Variants in IQSEC1 observed in about 807,000 individuals in gnomAD.
IQSEC1 encodes IQ motif and SEC7 domain-containing protein 1.
A neutral mutation model predicts 91.0 loss-of-function variants in IQSEC1; 31 were observed. That is an observed-to-expected ratio of 0.34 (90% CI 0.26 to 0.46). IQSEC1 has a LOEUF of 0.46. IQSEC1 is among the 20% of genes least tolerant of loss of function. The pLI, the probability that IQSEC1 is intolerant of heterozygous loss-of-function variation, is 1.00. For synonymous variants in IQSEC1, 699 were observed against 662.6 expected (o/e 1.05, Z -0.84); for missense variants, 1,388 against 1,575.6 (o/e 0.88, Z 2.02).
intron 1 of IQSEC1, among the ~76,000 whole-genome samples, chr3:13,237,249 A>G (rs1694946920): frequency 6.6e-6 from 1 of 152,208 alleles, no homozygotes; most frequent in South Asian, 2.1e-4. Flanking sequence ...ATGACGCCTG[A>G]GCAAGAGTCC....
At chr3:12,982,232 A>C (rs1701499355) in intron 1 of IQSEC1, among the ~76,000 whole-genome samples, 1 of 152,244 alleles carries the variant, frequency 6.6e-6, no homozygotes, top group Admixed American at 6.5e-5. Flanking sequence ...GCTTAAAAAA[A>C]GTATAGGCCA....
intron 1 of IQSEC1, among the ~76,000 whole-genome samples, chr3:13,226,005 C>T (rs1395359466): frequency 3.9e-5 from 6 of 152,054 alleles, no homozygotes; most frequent in East Asian, 1.9e-4. Flanking sequence ...CTTAGCCTCC[C>T]GAGTAGCTCG....
Position 13,103,137 on chromosome 3 carries a change from C to G in IQSEC1, c.303-55615G>C, listed in dbSNP as rs1706092445. Among the ~76,000 whole-genome samples, 1 of 152,102 alleles carries G rather than the reference C, an allele frequency of 6.6e-6. No individual in the cohort carries two copies. The highest frequency in any genetic ancestry group is 1.5e-5 in the Non-Finnish European group (1 of 68,004). On this transcript the variant is annotated intron_variant, in intron 2 of 15. Coordinates refer to the IQSEC1 transcript ENST00000648114. This position sits in a 1 kb window ranked among gnomAD's most constrained non-coding sequence, Gnocchi z 4.1. ...CCCAGGGCTCTGCCCCAGCCCCTCC[C>G]TGGCCCATGTCCCCGGCTGGCCCCA...
At chr3:13,218,320 T>A (rs1283428923) in intron 1 of IQSEC1, among the ~76,000 whole-genome samples, 2 of 152,200 alleles carry the variant, frequency 1.3e-5, no homozygotes, top group East Asian at 3.8e-4. Flanking sequence ...GTCCCCAGGG[T>A]CTGGCTCAGT....
chr3:13,188,900 T>C (rs1395802677), intron 1 of IQSEC1, among the ~76,000 whole-genome samples: 1 of 152,248 alleles, frequency 6.6e-6, no homozygotes, highest in African/African-American at 2.4e-5. Flanking sequence ...CCCAAATTCC[T>C]TCACCAGGAT....
chr3:12,967,552 C>T lies in IQSEC1; in HGVS notation c.24-25687G>A. On this transcript the variant is annotated intron_variant, in intron 1 of 13. Transcript: ENST00000613206. This position sits in a 1 kb window ranked among gnomAD's most constrained non-coding sequence, Gnocchi z 5.9. ...AGCCGCCGGATCCCGGGGCCGACAC[C>T]CGGCCACCCGGAGACCCGACCACCC... 1 of 1,361,666 alleles carries T rather than the reference C, an allele frequency of 7.3e-7. No individual in the cohort carries two copies. Among genetic ancestry groups the T allele is most frequent in the Non-Finnish European group, 9.4e-7 (1 of 1,066,288 alleles). The allele number at this position is 1,361,666 out of a possible 1,614,324, so 84.3% of individuals were successfully genotyped here.
In IQSEC1 at chr3:12,945,152, T is replaced by C. The variant is rs1448916995; in HGVS notation, c.24-3287A>G. Among the ~76,000 whole-genome samples, 3 of 151,776 alleles carry C rather than the reference T, an allele frequency of 2.0e-5. No homozygotes were observed. The East Asian group carries it at 5.8e-4, about 29-fold the overall frequency. On this transcript the variant is annotated intron_variant, in intron 1 of 13. Coordinates refer to ENST00000613206, the MANE Select transcript of IQSEC1 (RefSeq NM_001134382.3). The stretch of plus-strand genomic sequence containing the variant: ...ACTCAGAATGGGCAGGAGATGGGAG[T>C]GCCTGGCGCTGGTAGTTCAGGGTGG...
At chr3:13,187,433 G>C (rs1693954715) in intron 1 of IQSEC1, among the ~76,000 whole-genome samples, 2 of 152,206 alleles carry the variant, frequency 1.3e-5, no homozygotes, top group Non-Finnish European at 2.9e-5. Context: ...AATGTGTTTT[G>C]AATATGACTT....
intron 1 of IQSEC1, among the ~76,000 whole-genome samples, chr3:13,200,526 C>T (rs1694224992): frequency 6.6e-6 from 1 of 152,208 alleles, no homozygotes; most frequent in African/African-American, 2.4e-5. Flanking sequence ...GGGCTGGATC[C>T]CTTTCCAGAT....
intron 6 of IQSEC1, among the ~76,000 whole-genome samples, chr3:12,919,717 G>A (rs1696435237): frequency 6.6e-6 from 1 of 152,224 alleles, no homozygotes; most frequent in South Asian, 2.1e-4. Flanking sequence ...TGCAGCCAGG[G>A]TTCCCACAGG....
At chr3:12,925,362 C>T (rs1444699871) in intron 3 of IQSEC1, among the ~76,000 whole-genome samples, 1 of 152,212 alleles carries the variant, frequency 6.6e-6, no homozygotes, top group Non-Finnish European at 1.5e-5. Context: ...ACTCAATTCC[C>T]ACTCCAGGAG....
intron 2 of IQSEC1, among the ~76,000 whole-genome samples, chr3:13,121,530 CCCTGTGG>C (rs1254697421): frequency 6.6e-6 from 1 of 152,136 alleles, no homozygotes; most frequent in African/African-American, 2.4e-5. Context: ...CAGGGACCAT[CCCTGTGG>C]CCTGTGGGGG....
intron 1 of IQSEC1, among the ~76,000 whole-genome samples, chr3:12,974,287 C>T (rs1223987343): frequency 2.6e-5 from 4 of 152,204 alleles, no homozygotes; most frequent in African/African-American, 9.6e-5. Context: ...CCCGGATCCC[C>T]AGAGCACTCC....
rs1208976327 is a variant in IQSEC1 at position 12,970,458 on chromosome 3, T to C, written c.24-28593A>G. Among the ~76,000 whole-genome samples the C allele has an allele frequency of 1.3e-5, 2 of 152,218 alleles. No individual in the cohort carries two copies. Among genetic ancestry groups the C allele is most frequent in the African/African-American group, 4.8e-5 (2 of 41,448 alleles). ...CGACTTTATCTCTATCCTCCCCAGC[T>C]TCTGATAGCCTCCAGTCTTTCCACA... On this transcript the variant is annotated intron_variant, in intron 1 of 13. Coordinates refer to ENST00000613206, the MANE Select transcript of IQSEC1 (RefSeq NM_001134382.3). The surrounding 1 kb of genome is among the most constrained non-coding windows in gnomAD (Gnocchi z 4.4).
intron 1 of IQSEC1, among the ~76,000 whole-genome samples, chr3:13,190,676 T>A (rs2125032874): frequency 6.6e-6 from 1 of 152,356 alleles, no homozygotes; most frequent in African/African-American, 2.4e-5. Context: ...ATTCATGCCA[T>A]TGTTGTTTTA....
At chr3:13,014,399 A>G (rs1371559380) in intron 1 of IQSEC1, among the ~76,000 whole-genome samples, 1 of 152,194 alleles carries the variant, frequency 6.6e-6, no homozygotes, top group Non-Finnish European at 1.5e-5. Flanking sequence ...CCCATGTCAC[A>G]TGGCTGGGGC....
intron 1 of IQSEC1, among the ~76,000 whole-genome samples, chr3:12,986,310 C>G (rs781770797): frequency 3.9e-5 from 6 of 152,160 alleles, no homozygotes; most frequent in Non-Finnish European, 7.4e-5. Flanking sequence ...CCCCAGGTAA[C>G]AGCAGCCCTG....
At chr3:13,186,852 A>AGCCCAGAG (rs1255405664) in intron 1 of IQSEC1, among the ~76,000 whole-genome samples, 1 of 152,132 alleles carries the variant, frequency 6.6e-6, no homozygotes, top group Non-Finnish European at 1.5e-5. Context: ...CCTGCCCAGA[A>AGCCCAGAG]ACCCCAGAGG....
chr3:13,101,272 A>G (rs1184658759), intron 2 of IQSEC1, among the ~76,000 whole-genome samples: 2 of 151,876 alleles, frequency 1.3e-5, no homozygotes, highest in Admixed American at 6.6e-5. Flanking sequence ...ATGAGGTCAG[A>G]AGATTGAGAC....
Sources: gnomAD v4.1 joint callset for allele counts (sites outside exome capture counted in the v4.1 genomes callset) on GRCh38, gnomAD v4.1.1 for gene constraint, Gnocchi (gnomAD v3.1) non-coding constraint, MANE v1.5 for transcripts, NCBI Gene and HGNC (gene_info 2026-07-23, HGNC 2026-07-21) for gene names.